Variants in SLIT1 observed in about 807,000 individuals in gnomAD.
The protein encoded by SLIT1 is slit guidance ligand 1.
SLIT1 carries 66 observed loss-of-function variants against 186.1 expected under a neutral mutation model. The observed-to-expected ratio is 0.35, with a 90% confidence interval of 0.29 to 0.44. The LOEUF (loss-of-function observed/expected upper bound fraction) is 0.44. Among genes scored for constraint, SLIT1 ranks in the 20% least tolerant of loss-of-function variants. The pLI is 1.00. For missense variants in SLIT1, 1,638 were observed against 2,037.4 expected, an observed-to-expected ratio of 0.80 and a Z score of 3.77; for synonymous variants, 761 against 833.8, an observed-to-expected ratio of 0.91 and a Z score of 1.50.
At position 97,020,813 on chromosome 10, in the gene SLIT1, G is replaced by A. The variant is rs7083425; in HGVS notation, c.2746+437C>T. Among the ~76,000 whole-genome samples, 887 of 152,342 alleles carry A rather than the reference G, an allele frequency of 5.8e-3. 4 individuals are homozygous for A. Among genetic ancestry groups the A allele is most frequent in the African/African-American group, 0.018 (730 of 41,570 alleles). ...CAGTGGAGGGTCCCGGGGCAAAGCC[G>A]GAACCAGCCTCCAGTGACACTCCAG... On this transcript the variant is annotated intron_variant, in intron 26 of 36. Coordinates refer to ENST00000266058, the MANE Select transcript of SLIT1 (RefSeq NM_003061.3).
intron 1 of SLIT1, among the ~76,000 whole-genome samples, chr10:97,175,994 T>C (rs1451886984): frequency 6.6e-6 from 1 of 152,226 alleles, no homozygotes. Flanking sequence ...GCAGGTGTTT[T>C]ATAGATGCTG....
chr10:97,158,161 C>CCAT (rs1222162623), intron 3 of SLIT1, among the ~76,000 whole-genome samples: 1 of 152,068 alleles, frequency 6.6e-6, no homozygotes, highest in Non-Finnish European at 1.5e-5. Flanking sequence ...CTTCCCATAG[C>CCAT]CATCATCATC....
rs781578222 is a variant in SLIT1 at position 97,014,051 on chromosome 10, T to C, written c.3077A>G (p.Asn1026Ser). ...NGGVCVDGVG[N>S]YTCQCPLQYE... ...CTGCAGGGGGCACTGGCAGGTGTAG[T>C]TGCCCACACCATCCACACAGACGCC... The change falls in exon 29 of 37, where the codon AAC (asparagine) becomes AGC (serine). Residue 1026 changes from asparagine (N) to serine (S), a missense_variant. Physicochemically the swap from Asn to Ser is conservative, Grantham distance 46. Transcript: ENST00000266058. 6.8e-6 allele frequency: 11 copies of C among 1,613,564 alleles called. No individual in the cohort carries two copies. The highest frequency in any genetic ancestry group is 7.6e-6 in the Non-Finnish European group (9 of 1,179,954).
chr10:97,141,653 T>TATTGCATTGC (rs1323428733), intron 4 of SLIT1, among the ~76,000 whole-genome samples: 6 of 149,224 alleles, frequency 4.0e-5, no homozygotes, highest in Admixed American at 6.7e-5. Flanking sequence ...TATTGCATTG[T>TATTGCATTGC]ATTGTATTGC....
At chr10:97,051,252 A>G (rs529928131) in intron 13 of SLIT1, among the ~76,000 whole-genome samples, 1 of 72,882 alleles carries the variant, frequency 1.4e-5, no homozygotes, top group South Asian at 5.5e-4. Flanking sequence ...GATGGCTAGA[A>G]TCAAAATGCA....
intron 31 of SLIT1, among the ~76,000 whole-genome samples, chr10:97,008,463 G>A (rs12245404): frequency 0.076 from 11,618 of 152,182 alleles, 1,073 homozygotes; most frequent in African/African-American, 0.22. Context: ...GGGAGGCCGA[G>A]GTGGGTGGAT....
At chr10:97,064,930 TG>T (rs1170127098) in intron 5 of SLIT1, 54 bp from the exon 6 acceptor site, 1 of 1,423,432 alleles carries the variant, frequency 7.0e-7, no homozygotes, top group Non-Finnish European at 9.8e-7. Flanking sequence ...AGAGTAAGGG[TG>T]TCCAAACATT....
chr10:97,166,623 G>GAAAGGGAAA, intron 1 of SLIT1, among the ~76,000 whole-genome samples: 1 of 42,660 alleles, frequency 2.3e-5, no homozygotes, highest in East Asian at 5.8e-4. Context: ...AAGAAAGAAA[G>GAAAGGGAAA]AGAAAAGAAA....
chr10:97,038,487 G>A (rs752818657), intron 21 of SLIT1, among the ~76,000 whole-genome samples: 1 of 152,126 alleles, frequency 6.6e-6, no homozygotes, highest in African/African-American at 2.4e-5. Flanking sequence ...CAAGCCCACC[G>A]AAATCCTCCT....
intron 4 of SLIT1, among the ~76,000 whole-genome samples, chr10:97,076,366 A>G (rs568644616): frequency 2.6e-5 from 4 of 152,152 alleles, no homozygotes; most frequent in Non-Finnish European, 5.9e-5. Context: ...GAGGCTATCA[A>G]TACCCATGGG....
chr10:97,086,254 T>C (rs116224220), intron 4 of SLIT1, among the ~76,000 whole-genome samples: 3,910 of 152,218 alleles, frequency 0.026, 191 homozygotes, highest in African/African-American at 0.089. Context: ...ATCCAGACAA[T>C]GGAATATTAT....
At chr10:97,040,255 G>A (rs1050117642) in intron 20 of SLIT1, 135 bp from the exon 21 acceptor site, 2 of 899,514 alleles carry the variant, frequency 2.2e-6, no homozygotes, top group Non-Finnish European at 3.2e-6. Flanking sequence ...CAGTAAGTCT[G>A]TGCACTACAC....
intron 25 of SLIT1, among the ~76,000 whole-genome samples, chr10:97,030,165 T>C (rs988307358): frequency 1.8e-4 from 27 of 152,240 alleles, no homozygotes; most frequent in Non-Finnish European, 2.8e-4. Context: ...ACAGTAATCC[T>C]ATGTTGAGAT....
At chr10:97,155,458 C>T (rs1007790976) in intron 4 of SLIT1, 1 of 152,326 alleles carries the variant, frequency 6.6e-6, no homozygotes, top group South Asian at 2.1e-4. Context: ...ACCCTTTACC[C>T]CCAAGGGCTG....
intron 4 of SLIT1, among the ~76,000 whole-genome samples, chr10:97,132,819 C>T (rs1362448278): frequency 6.6e-6 from 1 of 152,194 alleles, no homozygotes; most frequent in East Asian, 1.9e-4. Flanking sequence ...GCACTCCTGG[C>T]TCCTAACCCA....
chr10:97,118,977 GTC>G (rs1490786339), intron 4 of SLIT1, among the ~76,000 whole-genome samples: 2 of 152,172 alleles, frequency 1.3e-5, no homozygotes, highest in Non-Finnish European at 2.9e-5. Context: ...GCTCTGACAT[GTC>G]TGTTTCACTC....
At chr10:97,075,205 A>G (rs1289242418) in intron 4 of SLIT1, among the ~76,000 whole-genome samples, 1 of 152,230 alleles carries the variant, frequency 6.6e-6, no homozygotes, top group African/African-American at 2.4e-5. Context: ...CTGGGGGCTT[A>G]GATCCTTGTC....
intron 4 of SLIT1, among the ~76,000 whole-genome samples, chr10:97,123,950 G>A (rs1428171185): frequency 6.6e-6 from 1 of 152,076 alleles, no homozygotes; most frequent in African/African-American, 2.4e-5. Context: ...GGAGTAGGAT[G>A]TGTTCCAAGG....
intron 31 of SLIT1, among the ~76,000 whole-genome samples, chr10:97,007,806 C>A (rs763675224): frequency 1.3e-5 from 2 of 152,148 alleles, no homozygotes; most frequent in Non-Finnish European, 2.9e-5. Flanking sequence ...TGATAAAGGG[C>A]ACCTACAAAA....
Sources: gnomAD v4.1 joint callset for allele counts (sites outside exome capture counted in the v4.1 genomes callset) on GRCh38, gnomAD v4.1.1 for gene constraint, MANE v1.5 for transcripts, NCBI Gene and HGNC (gene_info 2026-07-23, HGNC 2026-07-21) for gene names.